The following SDC2 variants were observed in gnomAD, a reference collection of about 807,000 sequenced individuals.
The protein encoded by SDC2 is syndecan 2, also known as syndecan-2.
SDC2 carries 13 observed loss-of-function variants against 22.2 expected under a neutral mutation model. The observed-to-expected ratio is 0.59, with a 90% CI of 0.38 to 0.93. The LOEUF (loss-of-function observed/expected upper bound fraction) is 0.93, where lower values mean the gene tolerates loss of function less well. SDC2 is among the 40% of genes least tolerant of loss of function. SDC2 has a pLI of 0.00. For missense variants in SDC2, 235 were observed against 246.8 expected, an observed-to-expected ratio of 0.95 and a Z score of 0.32; for synonymous variants, 94 against 92.8, an observed-to-expected ratio of 1.01 and a Z score of -0.07.
At chr8:96,598,842 G>A (rs1337278234) in intron 2 of SDC2, among the ~76,000 whole-genome samples, 1 of 151,954 alleles carries the variant, frequency 6.6e-6, no homozygotes, top group Non-Finnish European at 1.5e-5. Context: ...ATTCAGTGGG[G>A]CTTCGAGATT....
At chr8:96,597,599 GA>G (rs1295086526) in intron 2 of SDC2, among the ~76,000 whole-genome samples, 1 of 152,150 alleles carries the variant, frequency 6.6e-6, no homozygotes, top group Non-Finnish European at 1.5e-5. Context: ...AAAATTCACA[GA>G]AAAACATAGT....
In SDC2 at chr8:96,496,805, A is replaced by C. The variant is rs567879047; in HGVS notation, c.60+2474A>C. ...AAGAGGTTCTCAGGAACTAAGGCTC[A>C]AAACTGCCTATGAAAAGGAACTGGT... On this transcript the variant is annotated intron_variant, in intron 1 of 4. Coordinates refer to ENST00000302190, the MANE Select transcript of SDC2 (RefSeq NM_002998.4). 9.2e-5 allele frequency among the ~76,000 whole-genome samples: 14 copies of C among 152,334 alleles called. No individual in the cohort carries two copies. The South Asian group carries it at 2.5e-3, about 27-fold the overall frequency.
intron 1 of SDC2, among the ~76,000 whole-genome samples, chr8:96,520,670 A>G (rs1813482812): frequency 1.3e-5 from 2 of 152,212 alleles, no homozygotes; most frequent in African/African-American, 4.8e-5. Flanking sequence ...TGTGCCGAAA[A>G]CATAAGGTCC....
At position 96,493,829 on chromosome 8, in the gene SDC2, C is replaced by A. The variant is rs542555939; in HGVS notation, c.-443C>A. On this transcript the variant is annotated 5_prime_UTR_variant, in exon 1 of 5. Coordinates refer to ENST00000302190, the MANE Select transcript of SDC2 (RefSeq NM_002998.4). ...CTGCTCTCCAGATACCCCCGGAGCT[C>A]CAGCCGCGCGGATCGCGCGCTCCCG... The A allele has an allele frequency of 6.1e-6, 1 of 162,806 alleles. No individual in the cohort carries two copies. The highest frequency in any genetic ancestry group is 6.5e-5 in the Admixed American group (1 of 15,442). 10.1% of individuals were successfully genotyped at this position (162,806 alleles called of 1,614,324 possible).
At chr8:96,553,639 A>T (rs1046405412) in intron 1 of SDC2, among the ~76,000 whole-genome samples, 3 of 152,164 alleles carry the variant, frequency 2.0e-5, no homozygotes, top group African/African-American at 7.2e-5. Flanking sequence ...CCAGTAGCAG[A>T]GTAGATAATA....
At chr8:96,587,379 T>C (rs1021218872) in intron 1 of SDC2, among the ~76,000 whole-genome samples, 3 of 152,200 alleles carry the variant, frequency 2.0e-5, no homozygotes, top group Admixed American at 2.0e-4. Context: ...ACTAGTTAGT[T>C]CTCTGTAAAC....
rs1172317653 is a variant in SDC2, at chr8:96,602,378, T to C, written c.173-17T>C. The stretch of plus-strand genomic sequence containing the variant: ...TCATGATTGCCATGCTCAGTTCATC[T>C]TCACTTACTTTTCCAGGAGCTGATG... On this transcript the variant is annotated splice_polypyrimidine_tract_variant and intron_variant, in intron 2 of 4. Coordinates refer to ENST00000302190, the MANE Select transcript of SDC2 (RefSeq NM_002998.4). 6.2e-7 allele frequency: 1 copy of C among 1,613,100 alleles called. No homozygotes were observed. Among genetic ancestry groups the C allele is most frequent in the Non-Finnish European group, 8.5e-7 (1 of 1,179,372 alleles).
intron 3 of SDC2, among the ~76,000 whole-genome samples, chr8:96,603,553 A>G (rs1391393993): frequency 9.9e-5 from 15 of 152,238 alleles, no homozygotes; most frequent in Admixed American, 9.8e-4. Context: ...GGGTATGGAT[A>G]TGGAAGGCTG....
Position 96,568,440 on chromosome 8 carries a change from G to C in SDC2, c.61-25040G>C, listed in dbSNP as rs371841858. On this transcript the variant is annotated intron_variant, in intron 1 of 4. Transcript: ENST00000302190. ...TGCTTACATGATTGTTTTAGTGTCT[G>C]GTGGTGGAGCCCCAAAGCTCTGTCT... Among the ~76,000 whole-genome samples, 65 of 152,328 alleles carry C rather than the reference G, an allele frequency of 4.3e-4. No homozygotes were observed. In the South Asian group the frequency reaches 0.013, roughly 31 times the overall value.
At chr8:96,495,360 C>G (rs1042908290) in intron 1 of SDC2, among the ~76,000 whole-genome samples, 2 of 152,194 alleles carry the variant, frequency 1.3e-5, no homozygotes, top group African/African-American at 4.8e-5. Context: ...AGCTTGTTTC[C>G]CCACGTCGCC....
At chr8:96,562,947 A>G (rs1041311223) in intron 1 of SDC2, among the ~76,000 whole-genome samples, 2 of 151,746 alleles carry the variant, frequency 1.3e-5, no homozygotes, top group Admixed American at 1.3e-4. Flanking sequence ...TTTCCTGACA[A>G]TATTTCCTAA....
At chr8:96,542,945 T>G (rs949443287) in intron 1 of SDC2, among the ~76,000 whole-genome samples, 18 of 152,046 alleles carry the variant, frequency 1.2e-4, no homozygotes. Context: ...GGGGAACATA[T>G]AGAGAGGATA....
intron 1 of SDC2, among the ~76,000 whole-genome samples, chr8:96,558,613 A>G (rs921412817): frequency 6.6e-6 from 1 of 152,212 alleles, no homozygotes; most frequent in Non-Finnish European, 1.5e-5. Context: ...AAGCATCTTA[A>G]TGAATCAAAG....
At chr8:96,521,446 G>A (rs1474266872) in intron 1 of SDC2, among the ~76,000 whole-genome samples, 2 of 152,184 alleles carry the variant, frequency 1.3e-5, no homozygotes, top group Admixed American at 1.3e-4. Flanking sequence ...GATGTTTATG[G>A]AATGAACTCT....
chr8:96,584,831 T>C (rs994351053), intron 1 of SDC2: 1 of 152,264 alleles, frequency 6.6e-6, no homozygotes, highest in African/African-American at 2.4e-5. Flanking sequence ...CTGTAAGTCA[T>C]GAACATTTTC....
intron 1 of SDC2, among the ~76,000 whole-genome samples, chr8:96,589,381 TTTTGTTTTG>T (rs1003167781): frequency 1.9e-4 from 17 of 89,538 alleles, no homozygotes; most frequent in East Asian, 5.3e-4. Context: ...GGCTAAGGAC[TTTTGTTTTG>T]TTTGTTTGTT....
intron 1 of SDC2, among the ~76,000 whole-genome samples, chr8:96,528,062 T>C (rs1437512556): frequency 1.0e-5 from 1 of 95,832 alleles, no homozygotes; most frequent in Admixed American, 9.2e-5. Context: ...TTTTAGCGTA[T>C]GGAATAACTT....
At chr8:96,548,347 A>G (rs565774139) in intron 1 of SDC2, among the ~76,000 whole-genome samples, 48 of 152,324 alleles carry the variant, frequency 3.2e-4, no homozygotes, top group Middle Eastern at 6.8e-3. Flanking sequence ...CCAAAATTCA[A>G]AACTTCTTGA....
chr8:96,576,379 G>GGTTTTT (rs1554604674), intron 1 of SDC2, among the ~76,000 whole-genome samples: 1 of 47,564 alleles, frequency 2.1e-5, no homozygotes, highest in Non-Finnish European at 3.9e-5. Flanking sequence ...TTTTTGTTTT[G>GGTTTTT]TTTTGTTTTT....
Sources: gnomAD v4.1 joint callset for allele counts (sites outside exome capture counted in the v4.1 genomes callset) on GRCh38, gnomAD v4.1.1 for gene constraint, MANE v1.5 for transcripts, NCBI Gene and HGNC (gene_info 2026-07-23, HGNC 2026-07-21) for gene names.